CALML4: variants seen among roughly 807,000 people sequenced by gnomAD.
CALML4 encodes calmodulin-like protein 4.
CALML4 carries 16 observed loss-of-function variants against 17.9 expected under a neutral mutation model. The ratio of observed to expected loss-of-function variants is 0.89; its 90% CI spans 0.61 to 1.36. The LOEUF (loss-of-function observed/expected upper bound fraction) is 1.36. Among genes scored for constraint, CALML4 ranks in the 40% most tolerant of loss-of-function variants. The probability of loss-of-function intolerance (pLI) is 0.00; values close to 1 mark genes in which losing one functional copy is unlikely to be tolerated. For synonymous variants in CALML4, 86 were observed against 71.5 expected (o/e 1.20, Z -1.02); for missense variants, 203 against 194.8 (o/e 1.04, Z -0.25).
At chr15:68,205,457 T>A (rs970367296), upstream of CALML4, 14 of 1,571,820 alleles carry the variant, frequency 8.9e-6, no homozygotes, top group African/African-American at 1.9e-4. The surrounding 1 kb of genome is among the most constrained non-coding windows in gnomAD (Gnocchi z 4.8). Context: ...GCAGGTTGGA[T>A]TTTTGAGGAA....
intron 4 of CALML4, among the ~76,000 whole-genome samples, chr15:68,194,384 C>CT (rs56240648): frequency 0.049 from 6,969 of 141,022 alleles, 393 homozygotes; most frequent in African/African-American, 0.14. Flanking sequence ...CCACCGTGTG[C>CT]TTTTTTTTTT....
At chr15:68,202,857 C>G (rs965881633) in intron 2 of CALML4, among the ~76,000 whole-genome samples, 1 of 144,070 alleles carries the variant, frequency 6.9e-6, no homozygotes, top group Non-Finnish European at 1.5e-5. Context: ...TCTTGTTGCC[C>G]AGGCTGGAGT....
intron 3 of CALML4, chr15:68,198,437 A>G (rs2093153406): frequency 6.6e-6 from 1 of 152,302 alleles, no homozygotes; most frequent in African/African-American, 2.4e-5. Flanking sequence ...GCAGCAGCCT[A>G]TGGGCTCCGG....
chr15:68,192,328 C>T lies in CALML4; in HGVS notation c.*1687G>A, dbSNP rs570770580. 1.3e-5 allele frequency: 2 copies of T among 152,244 alleles called. No individual in the cohort carries two copies. Among genetic ancestry groups the T allele is most frequent in the East Asian group, 3.9e-4 (2 of 5,176 alleles). 9.4% of individuals were successfully genotyped at this position (152,244 alleles called of 1,614,324 possible). On this transcript the variant is annotated 3_prime_UTR_variant, in exon 5 of 5. Transcript: ENST00000467889. ...GTAATGAAGTTTAAGCACCAGGACC[C>T]TTCACTTGTTCTGGTCCTAGGAGCA... is the stretch of plus-strand genomic sequence containing the variant.
At chr15:68,206,016 C>G (rs1378254255), upstream of CALML4, 1 of 152,994 alleles carries the variant, frequency 6.5e-6, no homozygotes, top group African/African-American at 2.4e-5. Context: ...CCACAGGCTC[C>G]TCGGGGGCTT....
rs776069191 is a variant in CALML4, at chr15:68,203,896, T to TAC, written c.34+1223_34+1224dup. ...CAGATACTGGGATACAAAGACAATT[T>TAC]ACCTTCTTCCCTTCTGGGAGCTTTG... is the stretch of plus-strand genomic sequence containing the variant. On this transcript the variant is annotated intron_variant, in intron 2 of 4. Transcript: ENST00000467889. 6.8e-4 allele frequency among the ~76,000 whole-genome samples: 103 copies of TAC among 152,164 alleles called. 1 individual carries two copies. The highest frequency in any genetic ancestry group is 1.9e-4 in the Non-Finnish European group (13 of 68,024).
chr15:68,197,296 A>T lies in CALML4; in HGVS notation c.364+144T>A. ...CCAGGCTCCAGTCCAGCACCCACCT[A>T]GTGTGGCATCTGCTCACAGTCTCCT... is the stretch of plus-strand genomic sequence containing the variant. On this transcript the variant is annotated intron_variant, in intron 4 of 4. Coordinates refer to ENST00000467889, the MANE Select transcript of CALML4 (RefSeq NM_033429.3). This position sits in a 1 kb window ranked among gnomAD's most constrained non-coding sequence, Gnocchi z 4.1. 1 of 708,406 alleles carries T rather than the reference A, an allele frequency of 1.4e-6. No homozygotes were observed. Among genetic ancestry groups the T allele is most frequent in the Non-Finnish European group, 2.3e-6 (1 of 430,128 alleles). 43.9% of individuals were successfully genotyped at this position (708,406 alleles called of 1,614,324 possible).
At chr15:68,199,477 C>G in intron 3 of CALML4, 64 bp downstream of exon 3, 2 of 1,537,138 alleles carry the variant, frequency 1.3e-6, no homozygotes, top group South Asian at 1.2e-5. Context: ...CTTTTCACAC[C>G]TCTACTGTCT....
chr15:68,194,062 A>T lies in CALML4; in HGVS notation c.415T>A (p.Tyr139Asn). 1 of 1,614,072 alleles carries T rather than the reference A, an allele frequency of 6.2e-7. No individual in the cohort carries two copies. Among genetic ancestry groups the T allele is most frequent in the Non-Finnish European group, 8.5e-7 (1 of 1,179,944 alleles). ...ADIEPNGKVK[Y>N]DEFIHKITLP... ...GTGATCTTGTGGATAAATTCATCAT[A>T]CTTCACTTTGCCATTGGGTTCGATA... is the stretch of plus-strand genomic sequence containing the variant. Residue 139 changes from tyrosine to asparagine, a missense_variant, in exon 5 of 5, where the codon TAT (tyrosine) becomes AAT (asparagine). Transcript: ENST00000467889.
intron 4 of CALML4, 55 bp from the exon 5 acceptor site, chr15:68,194,167 CAGTG>C (rs1197694976): frequency 2.3e-5 from 33 of 1,462,918 alleles, no homozygotes; most frequent in South Asian, 6.9e-5. Flanking sequence ...CATTATAAAA[CAGTG>C]AGTTTTTTGG....
Position 68,197,815 on chromosome 15 carries a change from G to A in CALML4, c.176-187C>T. The A allele has an allele frequency of 1.7e-6, 1 of 579,862 alleles. No homozygotes were observed. The highest frequency in any genetic ancestry group is 2.2e-5 in the South Asian group (1 of 45,698). 35.9% of individuals were successfully genotyped at this position (579,862 alleles called of 1,614,324 possible). A position where few individuals can be genotyped will look rare whatever the true frequency, so the allele number is the denominator to read the frequency against. On this transcript the variant is annotated intron_variant, in intron 3 of 4. Coordinates refer to ENST00000467889, the MANE Select transcript of CALML4 (RefSeq NM_033429.3). The surrounding 1 kb of genome is among the most constrained non-coding windows in gnomAD (Gnocchi z 4.1). ...GAGTTCCCACGACAGGCCCCTCACTGGACTGGACATTCTTCATTTCAGCAA... is the reference window on the plus strand; with the variant it reads ...GAGTTCCCACGACAGGCCCCTCACTAGACTGGACATTCTTCATTTCAGCAA...
chr15:68,199,272 C>G (rs925670866), intron 3 of CALML4, among the ~76,000 whole-genome samples: 1 of 152,034 alleles, frequency 6.6e-6, no homozygotes, highest in Non-Finnish European at 1.5e-5. Flanking sequence ...AACATGGGAT[C>G]GCTGTCAGCG....
In CALML4 at chr15:68,191,727, CCTT is replaced by C. The variant is rs1340834117; in HGVS notation, c.*2285_*2287del. The C allele has an allele frequency of 1.3e-5, 2 of 152,274 alleles. No homozygotes were observed. Among genetic ancestry groups the C allele is most frequent in the Non-Finnish European group, 2.9e-5 (2 of 68,028 alleles). 9.4% of individuals were successfully genotyped at this position (152,274 alleles called of 1,614,324 possible). A position where few individuals can be genotyped will look rare whatever the true frequency, so the allele number is the denominator to read the frequency against. On this transcript the variant is annotated 3_prime_UTR_variant, in exon 5 of 5. Transcript: ENST00000467889. ...AGTTTGAATGCTAAGAGCACCGTGG[CCTT>C]CTTGTAAACAACACTAGGTGCTAGA...
intron 2 of CALML4, among the ~76,000 whole-genome samples, chr15:68,203,655 C>T (rs1416149629): frequency 6.6e-6 from 1 of 152,190 alleles, no homozygotes. Flanking sequence ...CCTGGCCCAG[C>T]GTCCAGCATG....
In CALML4 at chr15:68,197,648, A is replaced by G; in HGVS notation, c.176-20T>C. 1.9e-6 allele frequency: 3 copies of G among 1,608,766 alleles called. No homozygotes were observed. Among genetic ancestry groups the G allele is most frequent in the Non-Finnish European group, 2.5e-6 (3 of 1,176,982 alleles). On this transcript the variant is annotated intron_variant, in intron 3 of 4. Transcript: ENST00000467889. This position sits in a 1 kb window ranked among gnomAD's most constrained non-coding sequence, Gnocchi z 4.1. ...TTCCGTCTAGGAAACCCGCAAACACAGCAGAGTGAGCAGAGGGAAAAAGAC... is the reference window on the plus strand; with the variant it reads ...TTCCGTCTAGGAAACCCGCAAACACGGCAGAGTGAGCAGAGGGAAAAAGAC...
intron 3 of CALML4, 78 bp downstream of exon 3, chr15:68,199,463 T>G: frequency 1.4e-4 from 200 of 1,452,918 alleles, no homozygotes; most frequent in Non-Finnish European, 1.8e-4. Context: ...CTCAAACTGC[T>G]GAGCTTTTCA....
rs535893740 is a variant in CALML4, at chr15:68,195,928, C to T, written c.364+1512G>A. 5.3e-5 allele frequency among the ~76,000 whole-genome samples: 8 copies of T among 152,204 alleles called. No homozygotes were observed. The East Asian group carries it at 5.8e-4, about 11-fold the overall frequency. On this transcript the variant is annotated intron_variant, in intron 4 of 4. Coordinates refer to ENST00000467889, the MANE Select transcript of CALML4 (RefSeq NM_033429.3). ...TGACTCCACCTGCTGTCTAGAGGGC[C>T]GGGCAGTGTCCTGGGGGGAGTCTGG... is the stretch of plus-strand genomic sequence containing the variant.
Position 68,205,008 on chromosome 15 carries a change from C to G in CALML4, c.34+113G>C. 7.6e-7 allele frequency: 1 copy of G among 1,318,312 alleles called. No individual in the cohort carries two copies. The highest frequency in any genetic ancestry group is 1.9e-5 in the Admixed American group (1 of 53,366). The allele number at this position is 1,318,312 out of a possible 1,614,324, so 81.7% of individuals were successfully genotyped here. ...CCCGCAGCTCTTGGCCCTGGGTGGG[C>G]CCAGCTCTCCCACAGCCACCTTCCT... On this transcript the variant is annotated intron_variant, in intron 2 of 4. Coordinates refer to ENST00000467889, the MANE Select transcript of CALML4 (RefSeq NM_033429.3). This position sits in a 1 kb window ranked among gnomAD's most constrained non-coding sequence, Gnocchi z 4.8.
At chr15:68,194,244 G>C in intron 4 of CALML4, 132 bp from the exon 5 acceptor site, 1 of 641,910 alleles carries the variant, frequency 1.6e-6, no homozygotes, top group Non-Finnish European at 2.8e-6. Flanking sequence ...AGACCAGGAA[G>C]TAAACCAGTG....
Sources: gnomAD v4.1 joint callset for allele counts (sites outside exome capture counted in the v4.1 genomes callset) on GRCh38, gnomAD v4.1.1 for gene constraint, Gnocchi (gnomAD v3.1) non-coding constraint, MANE v1.5 for transcripts, NCBI Gene and HGNC (gene_info 2026-07-23, HGNC 2026-07-21) for gene names.